The following C8orf34 variants were observed in gnomAD, a reference collection of about 807,000 sequenced individuals.
The protein encoded by C8orf34 is uncharacterized protein C8orf34.
C8orf34 carries 65 observed loss-of-function variants against 68.3 expected under a neutral mutation model. The observed-to-expected ratio is 0.95, with a 90% CI of 0.78 to 1.17. The LOEUF (loss-of-function observed/expected upper bound fraction) is 1.17. C8orf34 is among the 50% of genes most tolerant of loss of function. The probability of loss-of-function intolerance (pLI) is 0.00; values close to 1 mark genes in which losing one functional copy is unlikely to be tolerated. For synonymous variants in C8orf34, 244 were observed against 241.2 expected, an observed-to-expected ratio of 1.01 and a Z score of -0.11; for missense variants, 664 against 655.4, an observed-to-expected ratio of 1.01 and a Z score of -0.14.
chr8:68,441,167 C>A (rs181546008), intron 2 of C8orf34, among the ~76,000 whole-genome samples: 81 of 151,842 alleles, frequency 5.3e-4, no homozygotes, highest in Admixed American at 4.1e-3. Context: ...AGTCTGTGCA[C>A]GGTTTAGCTG....
chr8:68,735,025 C>G (rs145101990), intron 10 of C8orf34, among the ~76,000 whole-genome samples: 8 of 152,230 alleles, frequency 5.3e-5, no homozygotes, highest in African/African-American at 1.9e-4. Flanking sequence ...ATTACACAAC[C>G]CCTTTGTGAG....
At chr8:68,580,785 G>A (rs951453669) in intron 7 of C8orf34, among the ~76,000 whole-genome samples, 1 of 152,124 alleles carries the variant, frequency 6.6e-6, no homozygotes, top group Non-Finnish European at 1.5e-5. Flanking sequence ...AGCTCTTCTT[G>A]TGAACAGTGA....
intron 5 of C8orf34, among the ~76,000 whole-genome samples, chr8:68,489,066 A>T (rs1453483313): frequency 6.6e-6 from 1 of 152,184 alleles, no homozygotes; most frequent in Non-Finnish European, 1.5e-5. Context: ...TTTATTTTCT[A>T]AAACAAGATG....
intron 10 of C8orf34, among the ~76,000 whole-genome samples, chr8:68,742,194 CT>C (rs1446239718): frequency 6.6e-6 from 1 of 152,144 alleles, no homozygotes; most frequent in Non-Finnish European, 1.5e-5. Context: ...CCATTGCCTC[CT>C]TATGGCTGCC....
At chr8:68,575,670 C>A (rs558129504) in intron 7 of C8orf34, among the ~76,000 whole-genome samples, 6 of 152,136 alleles carry the variant, frequency 3.9e-5, no homozygotes, top group South Asian at 4.2e-4. Context: ...ATATCCGCAG[C>A]CCTTACTATG....
intron 2 of C8orf34, 87 bp from the exon 3 acceptor site, chr8:68,446,242 A>G (rs1811116575): frequency 9.1e-7 from 1 of 1,093,132 alleles, no homozygotes; most frequent in Admixed American, 2.4e-5. Context: ...ATGTTTTGTC[A>G]AGTATATTTA....
intron 10 of C8orf34, among the ~76,000 whole-genome samples, chr8:68,751,343 T>C (rs536361303): frequency 4.2e-4 from 64 of 152,300 alleles, no homozygotes; most frequent in Admixed American, 2.2e-3. Flanking sequence ...TAGAACCTTG[T>C]CTTAATATTG....
At chr8:68,375,698 C>T (rs1414307103) in intron 1 of C8orf34, among the ~76,000 whole-genome samples, 3 of 152,166 alleles carry the variant, frequency 2.0e-5, no homozygotes, top group African/African-American at 2.4e-5. Flanking sequence ...AAAAACAAAA[C>T]ACAAACTACT....
At chr8:68,413,275 A>G (rs946598104) in intron 1 of C8orf34, among the ~76,000 whole-genome samples, 8 of 152,130 alleles carry the variant, frequency 5.3e-5, no homozygotes, top group Non-Finnish European at 1.2e-4. Context: ...TTCCTACTTT[A>G]CTGAGATAAT....
chr8:68,632,404 A>G (rs1274540300), intron 7 of C8orf34, among the ~76,000 whole-genome samples: 1 of 151,748 alleles, frequency 6.6e-6, no homozygotes, highest in Non-Finnish European at 1.5e-5. Flanking sequence ...GTTCACAAAG[A>G]AAAAATCAGA....
chr8:68,435,678 T>C (rs1207285839), intron 1 of C8orf34, among the ~76,000 whole-genome samples: 1 of 152,202 alleles, frequency 6.6e-6, no homozygotes, highest in South Asian at 2.1e-4. Context: ...CTCCTACACA[T>C]TTCTTTCACT....
At chr8:68,629,187 G>T (rs906798931) in intron 7 of C8orf34, among the ~76,000 whole-genome samples, 4 of 152,122 alleles carry the variant, frequency 2.6e-5, no homozygotes, top group African/African-American at 9.7e-5. Flanking sequence ...CAGCCAGATG[G>T]TCTATAGCTC....
At chr8:68,626,448 G>T (rs1340080679) in intron 7 of C8orf34, among the ~76,000 whole-genome samples, 2 of 152,130 alleles carry the variant, frequency 1.3e-5, no homozygotes, top group Non-Finnish European at 2.9e-5. Flanking sequence ...TTTAGAGCGT[G>T]GATGCAGAAA....
rs1820259494 is a variant in C8orf34, at chr8:68,678,434, T to G, written c.1242-30560T>G. ...AGGGATGCAAGGATGGTTCAATATATGCAAATGAATCAGTTTGATACACCA... is the reference window on the plus strand; with the variant it reads ...AGGGATGCAAGGATGGTTCAATATAGGCAAATGAATCAGTTTGATACACCA... On this transcript the variant is annotated intron_variant, in intron 8 of 13. Coordinates refer to ENST00000518698, the MANE Select transcript of C8orf34 (RefSeq NM_052958.4). Among the ~76,000 whole-genome samples, 4 of 152,264 alleles carry G rather than the reference T, an allele frequency of 2.6e-5. No individual in the cohort carries two copies. In the South Asian group the frequency reaches 8.3e-4, roughly 32 times the overall value.
chr8:68,809,003 G>A (rs148656725), intron 12 of C8orf34, among the ~76,000 whole-genome samples: 8 of 151,844 alleles, frequency 5.3e-5, no homozygotes, highest in Non-Finnish European at 1.2e-4. Context: ...CTCAGTGGGA[G>A]GCTCATTTCC....
chr8:68,440,873 C>T (rs1289120469), intron 2 of C8orf34, among the ~76,000 whole-genome samples: 1 of 151,002 alleles, frequency 6.6e-6, no homozygotes, highest in Non-Finnish European at 1.5e-5. Context: ...GGCCTGATCT[C>T]TGCTCACTGC....
intron 7 of C8orf34, among the ~76,000 whole-genome samples, chr8:68,537,103 G>C (rs1815509906): frequency 6.6e-6 from 1 of 152,002 alleles, no homozygotes; most frequent in Admixed American, 6.5e-5. Flanking sequence ...TAAATTGGAG[G>C]CTTCTTAAAG....
intron 5 of C8orf34, among the ~76,000 whole-genome samples, chr8:68,498,933 T>G (rs1813647147): frequency 6.6e-6 from 1 of 152,198 alleles, no homozygotes; most frequent in South Asian, 2.1e-4. Flanking sequence ...AATATCTTTT[T>G]TTAAAAATCA....
At chr8:68,502,431 G>C (rs2129632663) in intron 5 of C8orf34, among the ~76,000 whole-genome samples, 1 of 152,282 alleles carries the variant, frequency 6.6e-6, no homozygotes, top group South Asian at 2.1e-4. Context: ...GCTAGCATAA[G>C]TAATCTTCCA....
Sources: allele counts gnomAD v4.1 joint callset (sites outside exome capture counted in the v4.1 genomes callset), GRCh38; gene constraint gnomAD v4.1.1; transcripts MANE v1.5; gene names NCBI Gene and HGNC (gene_info 2026-07-23, HGNC 2026-07-21).